TECR: variants seen among roughly 807,000 people sequenced by gnomAD.
TECR encodes the protein very-long-chain enoyl-CoA reductase.
Under a neutral mutation model 50.6 loss-of-function variants are expected in TECR, and 19 were observed. The ratio of observed to expected loss-of-function variants is 0.38; its 90% CI spans 0.26 to 0.55. The LOEUF (loss-of-function observed/expected upper bound fraction) is 0.55. Ranked by LOEUF, TECR falls within the 20% of genes least tolerant of loss-of-function variation. The pLI is 0.79. For synonymous variants in TECR, 168 were observed against 163.5 expected, an observed-to-expected ratio of 1.03 and a Z score of -0.21; for missense variants, 313 against 408.3, an observed-to-expected ratio of 0.77 and a Z score of 2.01.
At chr19:14,564,468 C>T (rs1323155896) in intron 7 of TECR, among the ~76,000 whole-genome samples, 181 bp downstream of exon 7, 14 of 128,592 alleles carry the variant, frequency 1.1e-4, no homozygotes, top group Non-Finnish European at 2.0e-4. Flanking sequence ...CCCCGCCCGT[C>T]CTCCCCAGCC....
intron 1 of TECR, chr19:14,561,965 T>C: frequency 4.9e-6 from 1 of 204,086 alleles, no homozygotes; most frequent in East Asian, 1.1e-4. Flanking sequence ...CTCTAGCCAC[T>C]GGCTCTGTGC....
chr19:14,559,512 G>A (rs894759459), intron 1 of TECR, among the ~76,000 whole-genome samples: 1 of 151,628 alleles, frequency 6.6e-6, no homozygotes, highest in East Asian at 1.9e-4. Flanking sequence ...TATAGGCCGG[G>A]CCAGGTGGCT....
At chr19:14,530,074 T>A (rs1236121680) in intron 1 of TECR, 1 of 383,790 alleles carries the variant, frequency 2.6e-6, no homozygotes, top group Non-Finnish European at 4.9e-6. Flanking sequence ...CTTGCACAAA[T>A]CTTGCGCCAC....
chr19:14,549,307 G>T (rs2073411898), intron 1 of TECR, among the ~76,000 whole-genome samples: 2 of 148,254 alleles, frequency 1.3e-5, no homozygotes, highest in Admixed American at 1.4e-4. Context: ...CTGCCTCCCG[G>T]GTTCAAGCAG....
chr19:14,534,346 G>C (rs1214583979), intron 1 of TECR, among the ~76,000 whole-genome samples: 1 of 146,948 alleles, frequency 6.8e-6, no homozygotes, highest in Non-Finnish European at 1.5e-5. Context: ...GGATGGTCTC[G>C]ATCTCCTGAC....
In TECR at chr19:14,564,778, C is replaced by A. The variant is rs369307807; in HGVS notation, c.490-8C>A. 2.8e-5 allele frequency: 45 copies of A among 1,612,992 alleles called. No individual in the cohort carries two copies. The highest frequency in any genetic ancestry group is 3.4e-5 in the Non-Finnish European group (40 of 1,179,526). ...CCCAAGTCCCATCCCTGCCCTGCTCCCTTTCAGAACTGCACCTACTACTGG... is the reference window on the plus strand; with the variant it reads ...CCCAAGTCCCATCCCTGCCCTGCTCACTTTCAGAACTGCACCTACTACTGG... On this transcript the variant is annotated splice_region_variant and splice_polypyrimidine_tract_variant and intron_variant, in intron 7 of 12. Transcript: ENST00000215567.
chr19:14,532,724 C>T (rs191026468), intron 1 of TECR, among the ~76,000 whole-genome samples: 1 of 152,238 alleles, frequency 6.6e-6, no homozygotes, highest in East Asian at 1.9e-4. Context: ...ATTAGTTTAA[C>T]TGCATGTGTG....
At chr19:14,552,436 T>C (rs369155499) in intron 1 of TECR, among the ~76,000 whole-genome samples, 3 of 152,044 alleles carry the variant, frequency 2.0e-5, no homozygotes, top group East Asian at 3.9e-4. Flanking sequence ...GACACTCACA[T>C]GGGCACTTCC....
intron 1 of TECR, among the ~76,000 whole-genome samples, chr19:14,543,407 ATATATATATATATTTTTTTTTTTTTTTTT>A (rs1343421692): frequency 3.6e-3 from 42 of 11,730 alleles, no homozygotes; most frequent in African/African-American, 9.8e-3. Context: ...ATATATATAT[ATATATATATATATTTTTTTTTTTTTTTTT>A]TTTTTTTTTT....
intron 1 of TECR, among the ~76,000 whole-genome samples, chr19:14,543,419 A>ATTTTTTTTTTTTTT (rs1169742953): frequency 9.1e-5 from 2 of 21,892 alleles, no homozygotes; most frequent in Non-Finnish European, 7.2e-5. Context: ...ATATATATAT[A>ATTTTTTTTTTTTTT]TTTTTTTTTT....
At chr19:14,553,296 A>G (rs557608675) in intron 1 of TECR, among the ~76,000 whole-genome samples, 20 of 152,242 alleles carry the variant, frequency 1.3e-4, no homozygotes, top group African/African-American at 4.3e-4. Flanking sequence ...GCCCAGAGAC[A>G]TTGGCATTGA....
chr19:14,534,423 C>CTTTT lies in TECR; in HGVS notation c.15+4739_15+4742dup, dbSNP rs756051119. The stretch of plus-strand genomic sequence containing the variant: ...ACAGGAGTGAGCCACCATGCCTGGC[C>CTTTT]TTTTTTTTTTTTTTTTTTTTTTTTT... On this transcript the variant is annotated intron_variant, in intron 1 of 12. Coordinates refer to ENST00000215567, the MANE Select transcript of TECR (RefSeq NM_138501.6). Among the ~76,000 whole-genome samples, 55 of 52,490 alleles carry CTTTT rather than the reference C, an allele frequency of 1.0e-3. 14 individuals carry two copies. The highest frequency in any genetic ancestry group is 3.9e-3 in the African/African-American group (42 of 10,706). 34.4% of individuals were successfully genotyped at this position (52,490 alleles called of 152,430 possible).
intron 1 of TECR, among the ~76,000 whole-genome samples, chr19:14,547,329 C>T (rs904831053): frequency 6.6e-6 from 1 of 151,386 alleles, no homozygotes; most frequent in Non-Finnish European, 1.5e-5. Flanking sequence ...CAGGCGTGAG[C>T]CACCGTACCT....
intron 1 of TECR, chr19:14,531,013 G>C (rs2072628792): frequency 6.6e-6 from 1 of 152,066 alleles, no homozygotes; most frequent in Non-Finnish European, 1.5e-5. Flanking sequence ...GACTACTCTA[G>C]GTACCTTGGA....
At position 14,547,343 on chromosome 19, in the gene TECR, C is replaced by CTATTT. The variant is rs149850437; in HGVS notation, c.16-15158_16-15154dup. Among the ~76,000 whole-genome samples the CTATTT allele has an allele frequency of 7.1e-3, 1,071 of 151,706 alleles. 13 individuals are homozygous for CTATTT. The highest frequency in any genetic ancestry group is 0.023 in the African/African-American group (947 of 41,358). On this transcript the variant is annotated intron_variant, in intron 1 of 12. Coordinates refer to ENST00000215567, the MANE Select transcript of TECR (RefSeq NM_138501.6). ...ACAGGCGTGAGCCACCGTACCTGGC[C>CTATTT]TATTTTATTTTATTTTATTTTATTT...
chr19:14,565,212 G>A lies in TECR; in HGVS notation c.675G>A (p.Thr225=). ...LRDLRPAGSK[T]RKIPYPTKNP... ...TGTCCTGCCTGCCAGGGTCCAAGACGCGGAAGATCCCATACCCCACCAAGA... is the reference window on the plus strand; with the variant it reads ...TGTCCTGCCTGCCAGGGTCCAAGACACGGAAGATCCCATACCCCACCAAGA... Residue 225 remains threonine (T), a synonymous_variant, in exon 11 of 13, where the codon ACG becomes ACA. Coordinates refer to ENST00000215567, the MANE Select transcript of TECR (RefSeq NM_138501.6). 6.2e-7 allele frequency: 1 copy of A among 1,613,978 alleles called. No individual in the cohort carries two copies. Among genetic ancestry groups the A allele is most frequent in the East Asian group, 2.2e-5 (1 of 44,880 alleles).
intron 1 of TECR, among the ~76,000 whole-genome samples, chr19:14,535,545 T>A (rs1292602167): frequency 1.9e-3 from 10 of 5,160 alleles, no homozygotes; most frequent in South Asian, 0.01. Flanking sequence ...AAAAAAAAAA[T>A]ATATATATAT....
intron 1 of TECR, 79 bp downstream of exon 1, chr19:14,529,790 C>G (rs973963567): frequency 1.3e-6 from 2 of 1,595,654 alleles, no homozygotes; most frequent in Non-Finnish European, 1.7e-6. Flanking sequence ...CGGGACCCCA[C>G]TTTCTGGTCC....
chr19:14,547,501 C>T (rs2073345617), intron 1 of TECR, among the ~76,000 whole-genome samples: 1 of 152,118 alleles, frequency 6.6e-6, no homozygotes, highest in Admixed American at 6.6e-5. Context: ...GCTGGGACTA[C>T]AGGCATGTGC....
Sources: gnomAD v4.1 joint callset for allele counts (sites outside exome capture counted in the v4.1 genomes callset) on GRCh38, gnomAD v4.1.1 for gene constraint, MANE v1.5 for transcripts, NCBI Gene and HGNC (gene_info 2026-07-23, HGNC 2026-07-21) for gene names.